Variants in NTM observed in about 807,000 individuals in gnomAD.
The protein encoded by NTM is IgLON family member 2.
A neutral mutation model predicts 42.1 loss-of-function variants in NTM; 13 were observed. The ratio of observed to expected loss-of-function variants is 0.31; its 90% confidence interval spans 0.20 to 0.49. The LOEUF is 0.49. NTM is among the 20% of genes least tolerant of loss of function. The pLI is 0.99. For missense variants in NTM, 373 were observed against 452.8 expected (o/e 0.82, Z 1.60); for synonymous variants, 187 against 179.2 (o/e 1.04, Z -0.35).
chr11:132,322,094 T>C (rs528233757), intron 7 of NTM, among the ~76,000 whole-genome samples: 1 of 151,940 alleles, frequency 6.6e-6, no homozygotes, highest in East Asian at 1.9e-4. Flanking sequence ...GTAAAGACCA[T>C]CGAGACTAGG....
intron 1 of NTM, among the ~76,000 whole-genome samples, chr11:131,384,849 A>T (rs936156242): frequency 1.3e-5 from 2 of 152,234 alleles, no homozygotes; most frequent in Non-Finnish European, 2.9e-5. Flanking sequence ...TAAATAACGT[A>T]ATCTGTATCC....
At position 132,315,090 on chromosome 11, in the gene NTM, T is replaced by TC. The variant is rs1310601710; in HGVS notation, c.934+388dup. 6 of 1,005,460 alleles carry TC rather than the reference T, an allele frequency of 6.0e-6. No individual in the cohort carries two copies. In the East Asian group the frequency reaches 3.9e-4, roughly 65 times the overall value. The allele number at this position is 1,005,460 out of a possible 1,614,324, so 62.3% of individuals were successfully genotyped here. On this transcript the variant is annotated intron_variant, in intron 7 of 8. Transcript: ENST00000683400. Reference sequence around the variant, plus strand: ...CAAAAATGACATTTGATTTTTTTTTTCTCAGTGATGATGGCTCCTAAGCTG... The same window carrying TC: ...CAAAAATGACATTTGATTTTTTTTTTCCTCAGTGATGATGGCTCCTAAGCTG...
At chr11:131,493,650 C>T (rs73572322) in intron 1 of NTM, among the ~76,000 whole-genome samples, 9,058 of 152,226 alleles carry the variant, frequency 0.06, 895 homozygotes, top group African/African-American at 0.21. Context: ...AAGTTAGATA[C>T]TGGTACCCCC....
chr11:131,375,106 T>A (rs1941778214), intron 1 of NTM, among the ~76,000 whole-genome samples: 1 of 152,150 alleles, frequency 6.6e-6, no homozygotes, highest in South Asian at 2.1e-4. Context: ...CCATTTCTAG[T>A]GGTCTGAACA....
chr11:131,871,490 G>A (rs933475818), intron 1 of NTM, among the ~76,000 whole-genome samples: 2 of 152,216 alleles, frequency 1.3e-5, no homozygotes, highest in Non-Finnish European at 2.9e-5. Context: ...ATGACTGAAT[G>A]TTATTATAGT....
chr11:131,445,256 G>C (rs571609814), intron 1 of NTM, among the ~76,000 whole-genome samples: 79 of 152,290 alleles, frequency 5.2e-4, no homozygotes, highest in African/African-American at 1.9e-3. Context: ...GTACCCCTAA[G>C]GGTATGTATA....
At chr11:131,720,039 G>A (rs768774601) in intron 1 of NTM, among the ~76,000 whole-genome samples, 53 of 152,080 alleles carry the variant, frequency 3.5e-4, no homozygotes, top group Non-Finnish European at 5.3e-4. Flanking sequence ...ACAGGTTCCG[G>A]GGTTGCTTCC....
intron 1 of NTM, among the ~76,000 whole-genome samples, chr11:131,380,804 A>G (rs1039044338): frequency 6.6e-5 from 10 of 152,152 alleles, no homozygotes; most frequent in Non-Finnish European, 1.2e-4. Context: ...AAGGTGAGCT[A>G]TTGTTCATTC....
In NTM at chr11:131,493,036, G is replaced by A. The variant is rs568146242; in HGVS notation, c.82+122148G>A. The stretch of plus-strand genomic sequence containing the variant: ...AGCTCAAGACCAGCCTGGGCAACAC[G>A]GTGAACCTCGTCACTACCAAAAAAA... On this transcript the variant is annotated intron_variant, in intron 1 of 8. Coordinates refer to ENST00000683400, the MANE Select transcript of NTM (RefSeq NM_001352005.2). Among the ~76,000 whole-genome samples, 263 of 151,822 alleles carry A rather than the reference G, an allele frequency of 1.7e-3. 2 individuals carry two copies. Among genetic ancestry groups the A allele is most frequent in the Non-Finnish European group, 1.6e-3 (112 of 67,980 alleles).
intron 2 of NTM, among the ~76,000 whole-genome samples, chr11:132,043,489 C>T (rs1479730398): frequency 6.6e-6 from 1 of 152,128 alleles, no homozygotes; most frequent in Non-Finnish European, 1.5e-5. Flanking sequence ...TATTGAAGTC[C>T]AGGGAGTAGC....
intron 1 of NTM, among the ~76,000 whole-genome samples, chr11:131,819,825 C>G (rs1200639244): frequency 6.6e-6 from 1 of 152,218 alleles, no homozygotes; most frequent in South Asian, 2.1e-4. Context: ...CTGTGTGTCT[C>G]TGCCCTCCCA....
At chr11:132,011,789 A>G (rs936255762) in intron 2 of NTM, among the ~76,000 whole-genome samples, 2 of 152,254 alleles carry the variant, frequency 1.3e-5, no homozygotes, top group East Asian at 3.9e-4. Flanking sequence ...TGGTTTCTAC[A>G]TGTGCTCTAC....
At chr11:131,641,870 G>T (rs2065182080) in intron 1 of NTM, among the ~76,000 whole-genome samples, 1 of 151,990 alleles carries the variant, frequency 6.6e-6, no homozygotes, top group Non-Finnish European at 1.5e-5. Flanking sequence ...GGGACTACGG[G>T]CACATGCCAC....
intron 2 of NTM, among the ~76,000 whole-genome samples, chr11:132,070,599 T>G (rs1439927066): frequency 1.6e-5 from 2 of 121,772 alleles, no homozygotes; most frequent in African/African-American, 6.4e-5. Context: ...AAACTGACCA[T>G]CACAGGTTAG....
intron 1 of NTM, among the ~76,000 whole-genome samples, chr11:131,885,498 A>T (rs1459654116): frequency 6.6e-6 from 1 of 151,602 alleles, no homozygotes; most frequent in East Asian, 1.9e-4. Context: ...ATTAGATGAA[A>T]ATCCCGATGC....
chr11:132,293,844 T>C (rs1042870231), intron 4 of NTM, among the ~76,000 whole-genome samples: 2 of 152,188 alleles, frequency 1.3e-5, no homozygotes, highest in Non-Finnish European at 2.9e-5. Flanking sequence ...TATGACTGCT[T>C]TTGTGCTACA....
intron 2 of NTM, among the ~76,000 whole-genome samples, chr11:131,916,835 A>G (rs1031837500): frequency 6.6e-5 from 10 of 152,148 alleles, no homozygotes; most frequent in Non-Finnish European, 1.3e-4. Context: ...TGTTGTGGAC[A>G]CCCATAAACA....
chr11:131,527,906 A>G (rs892314228), intron 1 of NTM, among the ~76,000 whole-genome samples: 3 of 152,346 alleles, frequency 2.0e-5, no homozygotes, highest in Non-Finnish European at 2.9e-5. Context: ...TTGATCATGT[A>G]CTAGTTGAGT....
chr11:132,034,733 T>C (rs1054083392), intron 2 of NTM, among the ~76,000 whole-genome samples: 8 of 152,210 alleles, frequency 5.3e-5, no homozygotes, highest in African/African-American at 1.9e-4. Flanking sequence ...ACCTCCCTGC[T>C]CCTGCAATGG....
Sources: gnomAD v4.1 joint callset for allele counts (sites outside exome capture counted in the v4.1 genomes callset) on GRCh38, gnomAD v4.1.1 for gene constraint, MANE v1.5 for transcripts, NCBI Gene and HGNC (gene_info 2026-07-23, HGNC 2026-07-21) for gene names.